PHF24: variants seen among roughly 807,000 people sequenced by gnomAD.
The protein encoded by PHF24 is PHD finger protein 24.
PHF24 carries 25 observed loss-of-function variants against 42.6 expected under a neutral mutation model. The ratio of observed to expected loss-of-function variants is 0.59; its 90% CI spans 0.43 to 0.82. The LOEUF is 0.82. Among genes scored for constraint, PHF24 ranks in the 40% least tolerant of loss-of-function variants. PHF24 has a pLI of 0.00. For missense variants in PHF24, 470 were observed against 538.1 expected (o/e 0.87, Z 1.25); for synonymous variants, 185 against 204.8 (o/e 0.90, Z 0.83).
the PHF24 span, among the ~76,000 whole-genome samples, chr9:34,883,410 C>T: frequency 6.6e-6 from 1 of 152,166 alleles, no homozygotes; most frequent in Non-Finnish European, 1.5e-5. Flanking sequence ...AAGAAACTAC[C>T]ATCAGAGTGA....
chr9:34,684,894 T>A, the PHF24 span, among the ~76,000 whole-genome samples: 3 of 151,934 alleles, frequency 2.0e-5, no homozygotes, highest in Admixed American at 2.0e-4. Flanking sequence ...ATCTTCTGCA[T>A]CCCCCTGGAG....
At chr9:34,691,641 T>C in the PHF24 span, among the ~76,000 whole-genome samples, 1 of 152,238 alleles carries the variant, frequency 6.6e-6, no homozygotes, top group Non-Finnish European at 1.5e-5. Context: ...GGTTTATCCC[T>C]TGTCCTCACT....
the PHF24 span, chr9:34,728,665 A>G: frequency 1.3e-6 from 2 of 1,551,292 alleles, no homozygotes; most frequent in Non-Finnish European, 1.7e-6. Context: ...CTTAGAAGAC[A>G]AAAACATTAG....
At chr9:34,847,352 C>G in the PHF24 span, among the ~76,000 whole-genome samples, 6 of 152,306 alleles carry the variant, frequency 3.9e-5, no homozygotes, top group African/African-American at 9.6e-5. Flanking sequence ...ATTTTATTCT[C>G]TTTGAAGCAG....
chr9:34,941,639 A>T, the PHF24 span, among the ~76,000 whole-genome samples: 2 of 152,170 alleles, frequency 1.3e-5, no homozygotes, highest in African/African-American at 2.4e-5. Context: ...GGCTGGGAAG[A>T]CCAAGATCAA....
chr9:34,756,492 C>T, the PHF24 span, among the ~76,000 whole-genome samples: 1 of 152,034 alleles, frequency 6.6e-6, no homozygotes, highest in Non-Finnish European at 1.5e-5. Flanking sequence ...GAGTATGTTC[C>T]TGGTGCTTTT....
chr9:34,933,804 C>T, the PHF24 span, among the ~76,000 whole-genome samples: 275 of 151,286 alleles, frequency 1.8e-3, 1 homozygote, highest in African/African-American at 6.4e-3. Context: ...GACAGAGTCT[C>T]GCTCTGTCAC....
chr9:34,852,338 G>A, the PHF24 span, among the ~76,000 whole-genome samples: 1 of 152,138 alleles, frequency 6.6e-6, no homozygotes, highest in Non-Finnish European at 1.5e-5. Context: ...CAACTGCATG[G>A]GGGGGTCAGT....
the PHF24 span, chr9:34,892,853 G>C: frequency 1.4e-6 from 1 of 698,132 alleles, no homozygotes; most frequent in Non-Finnish European, 2.6e-6. Context: ...CCGGGCAGCT[G>C]ACTGGGTTAA....
chr9:34,709,087 C>T, the PHF24 span: 26 of 479,266 alleles, frequency 5.4e-5, no homozygotes, highest in African/African-American at 2.0e-5. Context: ...ACTGGGGAGC[C>T]GTATCAGGTC....
At chr9:34,946,556 G>T in the PHF24 span, among the ~76,000 whole-genome samples, 1 of 152,170 alleles carries the variant, frequency 6.6e-6, no homozygotes, top group Admixed American at 6.5e-5. Flanking sequence ...TATAGATCGA[G>T]ATTTCTAGTT....
chr9:34,885,340 G>A, the PHF24 span, among the ~76,000 whole-genome samples: 1 of 152,138 alleles, frequency 6.6e-6, no homozygotes. Flanking sequence ...TATGCTTAAC[G>A]CTGAGGTCCT....
At chr9:34,854,900 T>C in the PHF24 span, among the ~76,000 whole-genome samples, 1 of 152,236 alleles carries the variant, frequency 6.6e-6, no homozygotes, top group Non-Finnish European at 1.5e-5. Flanking sequence ...ACTATTATTG[T>C]GTGGGAGTCT....
the PHF24 span, among the ~76,000 whole-genome samples, chr9:34,850,980 C>T: frequency 1.2e-3 from 182 of 152,220 alleles, 1 homozygote; most frequent in Non-Finnish European, 2.2e-3. Flanking sequence ...GAGGAGTACC[C>T]GGCCATGTGA....
chr9:34,723,224 G>T, the PHF24 span: 1 of 1,550,128 alleles, frequency 6.5e-7, no homozygotes, highest in African/African-American at 1.4e-5. Context: ...TGAGGTGAGG[G>T]TCAGGAGCTA....
At chr9:34,737,237 G>A in the PHF24 span, among the ~76,000 whole-genome samples, 1 of 152,024 alleles carries the variant, frequency 6.6e-6, no homozygotes, top group Non-Finnish European at 1.5e-5. Context: ...CCATGAATCT[G>A]CTTTCTGTCT....
chr9:34,758,777 A>G, the PHF24 span, among the ~76,000 whole-genome samples: 3 of 152,108 alleles, frequency 2.0e-5, no homozygotes, highest in African/African-American at 7.2e-5. This position sits in a 1 kb window ranked among gnomAD's most constrained non-coding sequence, Gnocchi z 4.4. Flanking sequence ...GCAGCTCTCT[A>G]TACTGGGCTC....
the PHF24 span, among the ~76,000 whole-genome samples, chr9:34,940,327 C>CCA: frequency 2.6e-5 from 4 of 152,084 alleles, no homozygotes; most frequent in African/African-American, 9.6e-5. Context: ...ATAAACTCTC[C>CCA]CACCCTGAAT....
the PHF24 span, among the ~76,000 whole-genome samples, chr9:34,780,321 C>G: frequency 9.7e-6 from 1 of 102,568 alleles, no homozygotes; most frequent in Non-Finnish European, 1.9e-5. Flanking sequence ...TTTTTTGAGA[C>G]AGTCTTACTC....
Sources: gnomAD v4.1 joint callset for allele counts (sites outside exome capture counted in the v4.1 genomes callset) on GRCh38, gnomAD v4.1.1 for gene constraint, Gnocchi (gnomAD v3.1) non-coding constraint, MANE v1.5 for transcripts, NCBI Gene and HGNC (gene_info 2026-07-23, HGNC 2026-07-21) for gene names.